Variants in ANGPT1 observed in about 807,000 individuals in gnomAD.
ANGPT1 encodes angiopoietin 1, also known as angiopoietin-1.
In ANGPT1, 17 loss-of-function variants were observed where a neutral mutation model predicts 62.2. The ratio of observed to expected loss-of-function variants is 0.27; its 90% CI spans 0.19 to 0.41. ANGPT1 has a LOEUF of 0.41. ANGPT1 is among the 10% of genes least tolerant of loss of function. The pLI, the probability that ANGPT1 is intolerant of heterozygous loss-of-function variation, is 1.00. For synonymous variants in ANGPT1, 199 were observed against 198.9 expected, an observed-to-expected ratio of 1.00 and a Z score of 0.00; for missense variants, 478 against 594.9, an observed-to-expected ratio of 0.80 and a Z score of 2.04.
chr8:107,454,224 T>C (rs534651025), intron 1 of ANGPT1, among the ~76,000 whole-genome samples: 1 of 152,228 alleles, frequency 6.6e-6, no homozygotes, highest in South Asian at 2.1e-4. Flanking sequence ...TGTTTTTTAA[T>C]AGATGTACTT....
intron 1 of ANGPT1, among the ~76,000 whole-genome samples, chr8:107,475,765 A>C (rs1463504502): frequency 6.6e-6 from 1 of 152,240 alleles, no homozygotes; most frequent in Non-Finnish European, 1.5e-5. Flanking sequence ...CCCATCAAAA[A>C]GTGGGTGAAG....
At chr8:107,294,255 T>G in intron 5 of ANGPT1, 1 of 403,646 alleles carries the variant, frequency 2.5e-6, no homozygotes, top group Non-Finnish European at 4.4e-6. Flanking sequence ...GATGAATAAA[T>G]TACATGCACA....
At chr8:107,370,407 A>AGAAAGGAAG (rs149930759) in intron 1 of ANGPT1, among the ~76,000 whole-genome samples, 4,239 of 71,964 alleles carry the variant, frequency 0.059, 1,308 homozygotes, top group Non-Finnish European at 0.079. Context: ...AAAGAAAGAA[A>AGAAAGGAAG]GAGTCAGGGT....
chr8:107,369,931 A>C (rs534248155), intron 1 of ANGPT1, among the ~76,000 whole-genome samples: 1 of 152,094 alleles, frequency 6.6e-6, no homozygotes, highest in Admixed American at 6.6e-5. Flanking sequence ...TGAGCCCAGG[A>C]GTTGAAGATC....
chr8:107,396,591 A>G (rs944254666), intron 1 of ANGPT1, among the ~76,000 whole-genome samples: 5 of 146,154 alleles, frequency 3.4e-5, no homozygotes, highest in African/African-American at 1.3e-4. Context: ...CATGACCAAA[A>G]CTCACTGCAG....
At chr8:107,366,652 C>A (rs1166715848) in intron 1 of ANGPT1, among the ~76,000 whole-genome samples, 3 of 152,114 alleles carry the variant, frequency 2.0e-5, no homozygotes, top group African/African-American at 4.8e-5. Flanking sequence ...ATTGGATGAA[C>A]TCAAACTGAT....
intron 1 of ANGPT1, among the ~76,000 whole-genome samples, chr8:107,396,175 T>C (rs944305076): frequency 1.3e-5 from 2 of 152,152 alleles, no homozygotes; most frequent in Admixed American, 6.5e-5. Context: ...CTTGTCTACT[T>C]TGGTAACATG....
At chr8:107,372,953 G>A (rs559220210) in intron 1 of ANGPT1, among the ~76,000 whole-genome samples, 6 of 151,838 alleles carry the variant, frequency 4.0e-5, no homozygotes, top group Non-Finnish European at 7.4e-5. Flanking sequence ...CTAACAACAC[G>A]AAATTATTGT....
intron 1 of ANGPT1, among the ~76,000 whole-genome samples, chr8:107,417,367 G>A (rs1586304782): frequency 6.6e-6 from 1 of 152,144 alleles, no homozygotes; most frequent in East Asian, 1.9e-4. Flanking sequence ...TATTGCCATT[G>A]TTATCACATG....
chr8:107,489,086 G>C (rs1357015586), intron 1 of ANGPT1, among the ~76,000 whole-genome samples: 2 of 152,116 alleles, frequency 1.3e-5, no homozygotes, highest in Non-Finnish European at 2.9e-5. Context: ...CTAATGAATA[G>C]AGCTACACAC....
At chr8:107,441,798 G>T (rs1229360459) in intron 1 of ANGPT1, among the ~76,000 whole-genome samples, 1 of 151,990 alleles carries the variant, frequency 6.6e-6, no homozygotes, top group Non-Finnish European at 1.5e-5. Flanking sequence ...TTAAAAAGGG[G>T]AGTCCTGGCC....
chr8:107,281,438 T>C (rs1586184069), intron 7 of ANGPT1, among the ~76,000 whole-genome samples: 1 of 152,200 alleles, frequency 6.6e-6, no homozygotes, highest in East Asian at 1.9e-4. Flanking sequence ...GGAATTTAGT[T>C]GAATTTGACC....
At chr8:107,338,382 C>CT (rs1341154532) in intron 2 of ANGPT1, among the ~76,000 whole-genome samples, 1 of 152,194 alleles carries the variant, frequency 6.6e-6, no homozygotes. Flanking sequence ...TCTGATTCTG[C>CT]ACATGTATGA....
At chr8:107,469,971 T>G (rs965858057) in intron 1 of ANGPT1, among the ~76,000 whole-genome samples, 3 of 152,052 alleles carry the variant, frequency 2.0e-5, no homozygotes, top group Non-Finnish European at 4.4e-5. Context: ...GAGTGTTGCC[T>G]TTAACCACTC....
At chr8:107,427,717 G>A (rs139069736) in intron 1 of ANGPT1, among the ~76,000 whole-genome samples, 1 of 152,180 alleles carries the variant, frequency 6.6e-6, no homozygotes. Flanking sequence ...ATGGTGGATT[G>A]TTTTAGACTG....
Position 107,251,047 on chromosome 8 carries a change from A to G in ANGPT1, c.*808T>C, listed in dbSNP as rs972651257. The G allele has an allele frequency of 6.6e-6, 1 of 152,168 alleles. No homozygotes were observed. The highest frequency in any genetic ancestry group is 2.4e-5 in the African/African-American group (1 of 41,460). 9.4% of individuals were successfully genotyped at this position (152,168 alleles called of 1,614,324 possible). A position where few individuals can be genotyped will look rare whatever the true frequency, so the allele number is the denominator to read the frequency against. On this transcript the variant is annotated 3_prime_UTR_variant, in exon 9 of 9. Transcript: ENST00000517746. Reference sequence around the variant, plus strand: ...CTTTACTCAGGCTATAAATATATTTATATATCATTCAATCAGTTTTTAGAG... The same window carrying G: ...CTTTACTCAGGCTATAAATATATTTGTATATCATTCAATCAGTTTTTAGAG...
chr8:107,480,363 T>A (rs2130518702), intron 1 of ANGPT1, among the ~76,000 whole-genome samples: 1 of 152,326 alleles, frequency 6.6e-6, no homozygotes, highest in Non-Finnish European at 1.5e-5. Context: ...ACAACATAAA[T>A]TCTGCTAAAA....
intron 7 of ANGPT1, among the ~76,000 whole-genome samples, chr8:107,270,330 G>A (rs868596356): frequency 2.6e-5 from 4 of 152,036 alleles, no homozygotes; most frequent in East Asian, 1.9e-4. Context: ...CTTTAAGGTC[G>A]TAGGTACTGA....
rs1813213520 is a variant in ANGPT1, at chr8:107,250,020, T to C, written c.*1835A>G. On this transcript the variant is annotated 3_prime_UTR_variant, in exon 9 of 9. Transcript: ENST00000517746. ...CAAAAAGGGGTAGAATACAGACACATAAATATAAAAAAGACTTGATGGTAA... is the reference window on the plus strand; with the variant it reads ...CAAAAAGGGGTAGAATACAGACACACAAATATAAAAAAGACTTGATGGTAA... 1 of 152,464 alleles carries C rather than the reference T, an allele frequency of 6.6e-6. No homozygotes were observed. Among genetic ancestry groups the C allele is most frequent in the South Asian group, 2.1e-4 (1 of 4,816 alleles). The allele number at this position is 152,464 out of a possible 1,614,324, so 9.4% of individuals were successfully genotyped here.
Sources: allele counts gnomAD v4.1 joint callset (sites outside exome capture counted in the v4.1 genomes callset), GRCh38; gene constraint gnomAD v4.1.1; transcripts MANE v1.5; gene names NCBI Gene and HGNC (gene_info 2026-07-23, HGNC 2026-07-21).